Variants in GRIA2 observed in about 807,000 individuals in gnomAD.
The protein encoded by GRIA2 is glutamate ionotropic receptor AMPA type subunit 2, also known as glutamate receptor 2.
A neutral mutation model predicts 97.3 loss-of-function variants in GRIA2; 14 were observed. That is an observed-to-expected ratio of 0.14 (90% CI 0.10 to 0.23). The LOEUF is 0.23. Ranked by LOEUF, GRIA2 falls within the 10% of genes least tolerant of loss-of-function variation. The pLI is 1.00. For missense variants in GRIA2, 558 were observed against 1,069.8 expected, an observed-to-expected ratio of 0.52 and a Z score of 6.67; for synonymous variants, 412 against 387.8, an observed-to-expected ratio of 1.06 and a Z score of -0.73.
chr4:157,357,756 A>G (rs1015875823), intron 12 of GRIA2, among the ~76,000 whole-genome samples: 4 of 152,180 alleles, frequency 2.6e-5, no homozygotes, highest in African/African-American at 9.6e-5. Flanking sequence ...GACAGCGATC[A>G]ACAGCTGAGA....
At chr4:157,244,956 A>G (rs1730662852) in intron 2 of GRIA2, among the ~76,000 whole-genome samples, 1 of 151,998 alleles carries the variant, frequency 6.6e-6, no homozygotes, top group African/African-American at 2.4e-5. Context: ...TAATTTGCTC[A>G]TCTTCTGATT....
intron 2 of GRIA2, among the ~76,000 whole-genome samples, chr4:157,264,482 C>T (rs1731680860): frequency 6.6e-6 from 1 of 152,052 alleles, no homozygotes; most frequent in South Asian, 2.1e-4. Flanking sequence ...CTTACAAGAA[C>T]CCTTACAATT....
At chr4:157,308,440 C>T (rs377108649) in intron 3 of GRIA2, among the ~76,000 whole-genome samples, 2 of 152,206 alleles carry the variant, frequency 1.3e-5, no homozygotes, top group South Asian at 2.1e-4. Context: ...TAGCAATATT[C>T]TTGAGGGTTT....
chr4:157,315,121 TC>T (rs1734253672), intron 4 of GRIA2, among the ~76,000 whole-genome samples: 1 of 152,220 alleles, frequency 6.6e-6, no homozygotes, highest in South Asian at 2.1e-4. Context: ...CAGTAAATAT[TC>T]CCTGAGTGTC....
chr4:157,263,732 A>G (rs955362988), intron 2 of GRIA2, among the ~76,000 whole-genome samples: 4 of 152,112 alleles, frequency 2.6e-5, no homozygotes, highest in Admixed American at 6.6e-5. Context: ...TACACAGTAT[A>G]TAGTCAATGA....
chr4:157,268,073 A>G (rs1206844358), intron 2 of GRIA2, among the ~76,000 whole-genome samples: 1 of 152,122 alleles, frequency 6.6e-6, no homozygotes, highest in Non-Finnish European at 1.5e-5. Flanking sequence ...TCGATTTTAA[A>G]TTTATGAAAT....
chr4:157,275,924 G>T (rs958455761), intron 2 of GRIA2, among the ~76,000 whole-genome samples: 1 of 152,108 alleles, frequency 6.6e-6, no homozygotes. Flanking sequence ...GTTTGATGGG[G>T]ATGGCATTGA....
At chr4:157,221,559 T>A (rs957529269) in intron 1 of GRIA2, 108 bp from the exon 2 acceptor site, 2 of 1,130,014 alleles carry the variant, frequency 1.8e-6, no homozygotes, top group South Asian at 2.9e-5. Context: ...TTATTCGGCC[T>A]ATTCGCGTGA....
chr4:157,337,706 ATTAAT>A (rs1004049136), intron 11 of GRIA2, among the ~76,000 whole-genome samples: 4 of 151,874 alleles, frequency 2.6e-5, no homozygotes, highest in South Asian at 2.1e-4. Flanking sequence ...ATAACAAGTG[ATTAAT>A]TTAAGAAAAC....
intron 2 of GRIA2, among the ~76,000 whole-genome samples, chr4:157,259,632 C>A (rs910841074): frequency 6.6e-6 from 1 of 152,000 alleles, no homozygotes; most frequent in Admixed American, 6.6e-5. Context: ...GTTTTCTGTT[C>A]TCTTTACTTT....
intron 2 of GRIA2, among the ~76,000 whole-genome samples, chr4:157,253,731 C>T (rs1228647381): frequency 1.3e-5 from 2 of 152,190 alleles, no homozygotes; most frequent in African/African-American, 2.4e-5. Flanking sequence ...TATTGCTGCT[C>T]CTGTTTCATA....
chr4:157,266,671 G>A (rs1731784912), intron 2 of GRIA2, among the ~76,000 whole-genome samples: 2 of 152,198 alleles, frequency 1.3e-5, no homozygotes, highest in East Asian at 3.9e-4. Context: ...CTTATCTGGA[G>A]ATGTTTGGCT....
intron 2 of GRIA2, among the ~76,000 whole-genome samples, chr4:157,276,191 T>C (rs1250106280): frequency 6.6e-6 from 1 of 152,086 alleles, no homozygotes; most frequent in Admixed American, 6.6e-5. Context: ...ATAAGAATGC[T>C]TGTGATTCCA....
At chr4:157,288,273 A>G (rs1397980335) in intron 2 of GRIA2, among the ~76,000 whole-genome samples, 1 of 151,742 alleles carries the variant, frequency 6.6e-6, no homozygotes, top group African/African-American at 2.4e-5. Context: ...CAAAGCACCA[A>G]TATCAAGAAA....
intron 3 of GRIA2, among the ~76,000 whole-genome samples, chr4:157,309,124 T>C (rs1733962491): frequency 1.3e-5 from 2 of 152,150 alleles, no homozygotes; most frequent in Admixed American, 6.6e-5. Flanking sequence ...TAGGAGATAA[T>C]TTAATATTAT....
At chr4:157,222,817 A>G in intron 2 of GRIA2, among the ~76,000 whole-genome samples, 1 of 152,152 alleles carries the variant, frequency 6.6e-6, no homozygotes, top group East Asian at 1.9e-4. Context: ...CCAAACAATT[A>G]GGGATCTAAA....
chr4:157,274,346 A>G (rs1466716826), intron 2 of GRIA2, among the ~76,000 whole-genome samples: 1 of 151,726 alleles, frequency 6.6e-6, no homozygotes, highest in Non-Finnish European at 1.5e-5. Context: ...TCCAATTTGG[A>G]TACCTTTTAT....
At chr4:157,262,129 T>C (rs538376378) in intron 2 of GRIA2, among the ~76,000 whole-genome samples, 3 of 152,094 alleles carry the variant, frequency 2.0e-5, no homozygotes, top group Non-Finnish European at 4.4e-5. Context: ...AATTGTCTTC[T>C]ATATTTTGGT....
At chr4:157,303,439 T>C (rs1474235106) in intron 2 of GRIA2, 113 bp from the exon 3 acceptor site, 1 of 801,858 alleles carries the variant, frequency 1.2e-6, no homozygotes. Context: ...CTATATTTCT[T>C]TCAATATGTT....
Sources: allele counts gnomAD v4.1 joint callset (sites outside exome capture counted in the v4.1 genomes callset), GRCh38; gene constraint gnomAD v4.1.1; transcripts MANE v1.5; gene names NCBI Gene and HGNC (gene_info 2026-07-23, HGNC 2026-07-21).